GLT1D1: variants seen among roughly 807,000 people sequenced by gnomAD.
The protein encoded by GLT1D1 is glycosyltransferase 1 domain-containing protein 1.
GLT1D1 carries 21 observed loss-of-function variants against 28.7 expected under a neutral mutation model. The ratio of observed to expected loss-of-function variants is 0.73; its 90% CI spans 0.52 to 1.05. The LOEUF (loss-of-function observed/expected upper bound fraction) is 1.05, where lower values mean the gene tolerates loss of function less well. GLT1D1 is among the 50% of genes least tolerant of loss of function. GLT1D1 has a pLI of 0.00. For missense variants in GLT1D1, 343 were observed against 330.6 expected, an observed-to-expected ratio of 1.04 and a Z score of -0.29; for synonymous variants, 147 against 124.8, an observed-to-expected ratio of 1.18 and a Z score of -1.19.
chr12:128,973,348 A>ATTTTTTTT (rs369304204), intron 7 of GLT1D1, among the ~76,000 whole-genome samples: 3 of 118,870 alleles, frequency 2.5e-5, no homozygotes, highest in African/African-American at 6.5e-5. Context: ...ACACCTGGCT[A>ATTTTTTTT]TTTTTTTTTT....
At chr12:128,951,274 G>C (rs1876667740) in intron 6 of GLT1D1, among the ~76,000 whole-genome samples, 1 of 152,110 alleles carries the variant, frequency 6.6e-6, no homozygotes, top group Non-Finnish European at 1.5e-5. Flanking sequence ...GTGATGACGT[G>C]CACCTGTAAT....
At position 128,983,009 on chromosome 12, in the gene GLT1D1, G is replaced by A; in HGVS notation, c.720G>A (p.Val240=). 1.2e-6 allele frequency: 2 copies of A among 1,613,888 alleles called. No homozygotes were observed. The highest frequency in any genetic ancestry group is 1.7e-6 in the Non-Finnish European group (2 of 1,179,746). Residue 240 remains valine, a synonymous_variant, in exon 8 of 8, where the codon GTG becomes GTA. Transcript: ENST00000281703. The surrounding 1 kb of genome is among the most constrained non-coding windows in gnomAD (Gnocchi z 4.7). ...TCGTAGTGAACGGAAGGGAATACGT[G>A]AGAATGTATCATTCATGGCAGGTGG...
chr12:128,867,419 G>GAAAAAAAAAAAAAAAAAAAGAAAAAA (rs1318656397), intron 1 of GLT1D1, among the ~76,000 whole-genome samples: 1 of 111,832 alleles, frequency 8.9e-6, no homozygotes, highest in Non-Finnish European at 1.8e-5. Flanking sequence ...AAAAAAAACA[G>GAAAAAAAAAAAAAAAAAAAGAAAAAA]AAAAAAAAAA....
At chr12:128,867,350 T>G (rs2135775518) in intron 1 of GLT1D1, among the ~76,000 whole-genome samples, 1 of 123,808 alleles carries the variant, frequency 8.1e-6, no homozygotes, top group African/African-American at 3.2e-5. Context: ...TGAGCCGAGA[T>G]CGCACCATTG....
At chr12:128,903,317 G>C (rs1451780982) in intron 4 of GLT1D1, among the ~76,000 whole-genome samples, 1 of 151,664 alleles carries the variant, frequency 6.6e-6, no homozygotes, top group Non-Finnish European at 1.5e-5. Flanking sequence ...CCTGTTTTAG[G>C]CTCGGCAGGA....
intron 4 of GLT1D1, among the ~76,000 whole-genome samples, chr12:128,927,836 C>G (rs1297045210): frequency 6.6e-6 from 1 of 150,972 alleles, no homozygotes; most frequent in East Asian, 2.0e-4. Context: ...CCCATCTCTA[C>G]TAAAAATACA....
intron 4 of GLT1D1, among the ~76,000 whole-genome samples, chr12:128,928,013 A>AC (rs1555270092): frequency 2.3e-4 from 35 of 150,182 alleles, no homozygotes; most frequent in Non-Finnish European, 3.4e-4. Flanking sequence ...AAAAAAAAAA[A>AC]AAAAAAAAAA....
At chr12:128,967,578 C>T (rs1259950823) in intron 7 of GLT1D1, among the ~76,000 whole-genome samples, 2 of 152,212 alleles carry the variant, frequency 1.3e-5, no homozygotes, top group African/African-American at 2.4e-5. Context: ...GCGCTGTGCA[C>T]TAGGGGAAGC....
At chr12:128,863,809 G>T (rs1237750561) in intron 1 of GLT1D1, among the ~76,000 whole-genome samples, 1 of 151,994 alleles carries the variant, frequency 6.6e-6, no homozygotes, top group African/African-American at 2.4e-5. Flanking sequence ...AGCCACACGT[G>T]GTGGCGGGCA....
At chr12:128,935,445 G>T (rs970811090) in intron 4 of GLT1D1, among the ~76,000 whole-genome samples, 1 of 151,550 alleles carries the variant, frequency 6.6e-6, no homozygotes, top group African/African-American at 2.4e-5. Flanking sequence ...GGAGGCTGAG[G>T]CAAGGAAATC....
At chr12:128,951,559 G>A (rs941256454) in intron 6 of GLT1D1, among the ~76,000 whole-genome samples, 7 of 152,132 alleles carry the variant, frequency 4.6e-5, no homozygotes, top group African/African-American at 7.2e-5. Context: ...CATTTCACTT[G>A]TCTTAGTCCC....
chr12:128,981,846 G>A (rs1880346776), intron 7 of GLT1D1, among the ~76,000 whole-genome samples: 1 of 152,118 alleles, frequency 6.6e-6, no homozygotes, highest in Non-Finnish European at 1.5e-5. Flanking sequence ...TGACAGTTGA[G>A]GAGCTGAGGC....
intron 3 of GLT1D1, among the ~76,000 whole-genome samples, chr12:128,895,049 T>C (rs1416948421): frequency 6.6e-6 from 1 of 152,030 alleles, no homozygotes; most frequent in African/African-American, 2.4e-5. Context: ...TCATTCATCG[T>C]TTTCTGAGCA....
intron 2 of GLT1D1, among the ~76,000 whole-genome samples, chr12:128,879,381 T>TCTTTCTTC (rs1956955707): frequency 6.8e-5 from 2 of 29,302 alleles, no homozygotes; most frequent in African/African-American, 3.3e-4. Context: ...TTTTTCTTTT[T>TCTTTCTTC]CTTTCTTTCT....
chr12:128,892,178 G>C (rs955116830), intron 3 of GLT1D1, among the ~76,000 whole-genome samples: 2 of 152,148 alleles, frequency 1.3e-5, no homozygotes, highest in African/African-American at 4.8e-5. Flanking sequence ...AATAGAATGG[G>C]AGGGAGGTTT....
At chr12:128,883,493 G>A (rs1403187234) in intron 2 of GLT1D1, among the ~76,000 whole-genome samples, 1 of 151,400 alleles carries the variant, frequency 6.6e-6, no homozygotes, top group East Asian at 2.0e-4. Context: ...GGGAGCCTGA[G>A]GCAGGAGAAT....
Position 128,911,960 on chromosome 12 carries a change from C to T in GLT1D1, c.375+12673C>T, listed in dbSNP as rs532000732. Among the ~76,000 whole-genome samples, 17 of 152,160 alleles carry T rather than the reference C, an allele frequency of 1.1e-4. No individual in the cohort carries two copies. The South Asian group carries it at 3.3e-3, about 30-fold the overall frequency. ...AACATATTGGCAGCTCCTCCTTCTC[C>T]TCCTGCTCCTTTCTTCTTTTTTTCT... On this transcript the variant is annotated intron_variant, in intron 4 of 7. Transcript: ENST00000281703.
At position 128,954,107 on chromosome 12, in the gene GLT1D1, G is replaced by T. The variant is rs542647986; in HGVS notation, c.541-3438G>T. Among the ~76,000 whole-genome samples the T allele has an allele frequency of 2.1e-3, 311 of 148,000 alleles. 2 individuals carry two copies. The highest frequency in any genetic ancestry group is 5.1e-3 in the Admixed American group (75 of 14,770). On this transcript the variant is annotated intron_variant, in intron 6 of 7. Transcript: ENST00000281703. Reference sequence around the variant, plus strand: ...TCGAGATCTGGTCCTAAGGTCACCTGTTTTTTTTTGTTTTTGTTTTTGTTT... The same window carrying T: ...TCGAGATCTGGTCCTAAGGTCACCTTTTTTTTTTTGTTTTTGTTTTTGTTT...
At chr12:128,922,166 G>C (rs1436433906) in intron 4 of GLT1D1, among the ~76,000 whole-genome samples, 5 of 84,430 alleles carry the variant, frequency 5.9e-5, no homozygotes, top group Non-Finnish European at 1.0e-4. Flanking sequence ...TAAACTCTGT[G>C]TGTGTGTGTG....
Sources: gnomAD v4.1 joint callset for allele counts (sites outside exome capture counted in the v4.1 genomes callset) on GRCh38, gnomAD v4.1.1 for gene constraint, Gnocchi (gnomAD v3.1) non-coding constraint, MANE v1.5 for transcripts, NCBI Gene and HGNC (gene_info 2026-07-23, HGNC 2026-07-21) for gene names.